Variants in LPP observed in about 807,000 individuals in gnomAD.
The protein encoded by LPP is lipoma-preferred partner.
A neutral mutation model predicts 60.4 loss-of-function variants in LPP; 38 were observed. That is an observed-to-expected ratio of 0.63 (90% CI 0.49 to 0.83). The LOEUF (loss-of-function observed/expected upper bound fraction) is 0.83, where lower values mean the gene tolerates loss of function less well. Among genes scored for constraint, LPP ranks in the 40% least tolerant of loss-of-function variants. LPP has a pLI of 0.00. For missense variants in LPP, 902 were observed against 783.6 expected (o/e 1.15, Z -1.80); for synonymous variants, 328 against 290.8 (o/e 1.13, Z -1.30).
At chr3:188,772,619 C>A (rs1249957366) in intron 9 of LPP, among the ~76,000 whole-genome samples, 1 of 152,126 alleles carries the variant, frequency 6.6e-6, no homozygotes, top group Non-Finnish European at 1.5e-5. Flanking sequence ...CTCGGCCTCC[C>A]GAGTAGCTGG....
chr3:188,790,049 C>T (rs944247139), intron 9 of LPP, among the ~76,000 whole-genome samples: 1 of 151,984 alleles, frequency 6.6e-6, no homozygotes, highest in Admixed American at 6.6e-5. Flanking sequence ...CCCTGCAACT[C>T]GATTTCAGAC....
At chr3:188,761,578 A>G (rs1168496089) in intron 9 of LPP, among the ~76,000 whole-genome samples, 1 of 152,244 alleles carries the variant, frequency 6.6e-6, no homozygotes, top group Non-Finnish European at 1.5e-5. Context: ...CAAGACATAC[A>G]GAAGAGGAAA....
At chr3:188,860,683 T>G (rs550333881) in intron 9 of LPP, among the ~76,000 whole-genome samples, 1 of 152,380 alleles carries the variant, frequency 6.6e-6, no homozygotes, top group African/African-American at 2.4e-5. Flanking sequence ...ACCTGGACTT[T>G]ATTAATTCAT....
intron 9 of LPP, among the ~76,000 whole-genome samples, chr3:188,819,712 A>T (rs984882026): frequency 2.0e-5 from 3 of 152,156 alleles, no homozygotes; most frequent in Admixed American, 6.5e-5. Flanking sequence ...GGAGGTGGAA[A>T]AAATGAACAC....
At chr3:188,716,716 A>C (rs1383776192) in intron 8 of LPP, among the ~76,000 whole-genome samples, 4 of 103,322 alleles carry the variant, frequency 3.9e-5, no homozygotes, top group African/African-American at 5.4e-5. Flanking sequence ...TAAGAGACAG[A>C]AGAAAGTCTT....
At chr3:188,236,945 C>T (rs1204827654) in intron 2 of LPP, among the ~76,000 whole-genome samples, 3 of 152,180 alleles carry the variant, frequency 2.0e-5, no homozygotes, top group Admixed American at 6.5e-5. Context: ...CAAGCTGTAT[C>T]ACTTCTCTGT....
chr3:188,393,586 T>C (rs1349678366), intron 3 of LPP, among the ~76,000 whole-genome samples: 1 of 152,194 alleles, frequency 6.6e-6, no homozygotes, highest in Admixed American at 6.5e-5. Flanking sequence ...GGGGCACTGT[T>C]AATAATTACA....
intron 6 of LPP, among the ~76,000 whole-genome samples, chr3:188,608,942 C>T (rs1163746991): frequency 6.6e-6 from 1 of 151,856 alleles, no homozygotes; most frequent in Non-Finnish European, 1.5e-5. Flanking sequence ...TTTTTCCTTT[C>T]TTTCCTTTTC....
chr3:188,218,412 C>A (rs1470039670), intron 1 of LPP, among the ~76,000 whole-genome samples: 2 of 152,314 alleles, frequency 1.3e-5, no homozygotes, highest in Non-Finnish European at 2.9e-5. Flanking sequence ...CTTGTGACCT[C>A]ATCCTCCTGT....
intron 1 of LPP, among the ~76,000 whole-genome samples, chr3:188,169,918 G>C (rs1281645748): frequency 6.6e-6 from 1 of 152,190 alleles, no homozygotes; most frequent in East Asian, 1.9e-4. Context: ...TCTTTTAACT[G>C]GAGTGGAGGG....
chr3:188,167,095 C>T (rs1323507732), intron 1 of LPP, among the ~76,000 whole-genome samples: 2 of 152,218 alleles, frequency 1.3e-5, no homozygotes, highest in Non-Finnish European at 2.9e-5. Flanking sequence ...GTACTGGTTA[C>T]TTAGCCTCTC....
chr3:188,715,481 A>G (rs1713573327), intron 8 of LPP, among the ~76,000 whole-genome samples: 1 of 152,088 alleles, frequency 6.6e-6, no homozygotes, highest in East Asian at 1.9e-4. Flanking sequence ...AGAAAATGGA[A>G]AACTTTTAAA....
In LPP at chr3:188,239,240, G is replaced by A. The variant is rs544223409; in HGVS notation, c.-67+13713G>A. On this transcript the variant is annotated intron_variant, in intron 2 of 11. Transcript: ENST00000617246. ...GGGCCCTGGGTGCAGATGGGCAATC[G>A]TAAGCCTAATCACCCATTCAGGCAC... is the stretch of plus-strand genomic sequence containing the variant. Among the ~76,000 whole-genome samples the A allele has an allele frequency of 6.1e-4, 93 of 152,146 alleles. 2 individuals are homozygous for A. Among genetic ancestry groups the A allele is most frequent in the Non-Finnish European group, 6.6e-4 (45 of 68,020 alleles).
intron 9 of LPP, among the ~76,000 whole-genome samples, chr3:188,777,593 TTATC>T (rs1403953368): frequency 6.6e-6 from 1 of 152,208 alleles, no homozygotes; most frequent in Admixed American, 6.5e-5. Flanking sequence ...TTGCTGCTGT[TTATC>T]TAAGCATGTC....
intron 6 of LPP, among the ~76,000 whole-genome samples, chr3:188,601,119 T>A (rs1841073942): frequency 6.6e-6 from 1 of 152,184 alleles, no homozygotes; most frequent in African/African-American, 2.4e-5. Context: ...ATTTTAGGTA[T>A]CTACCCAGAA....
At chr3:188,859,089 T>TAA (rs35722501) in intron 9 of LPP, among the ~76,000 whole-genome samples, 11 of 103,924 alleles carry the variant, frequency 1.1e-4, no homozygotes, top group South Asian at 3.7e-4. Context: ...ACTCTGTCTT[T>TAA]AAAAAAAAAA....
intron 7 of LPP, among the ~76,000 whole-genome samples, chr3:188,705,054 G>A (rs565039884): frequency 1.1e-4 from 16 of 152,222 alleles, no homozygotes; most frequent in Admixed American, 5.9e-4. Flanking sequence ...CCAGGATAGC[G>A]GGTCATGTCT....
intron 4 of LPP, among the ~76,000 whole-genome samples, chr3:188,457,770 G>A (rs367816311): frequency 4.7e-5 from 7 of 150,402 alleles, no homozygotes; most frequent in African/African-American, 1.2e-4. Flanking sequence ...TTAGCCAGGC[G>A]TGGTGGCACA....
intron 1 of LPP, among the ~76,000 whole-genome samples, chr3:188,202,244 G>T (rs1353785021): frequency 6.6e-6 from 1 of 152,116 alleles, no homozygotes; most frequent in African/African-American, 2.4e-5. Flanking sequence ...GTTTACAGGT[G>T]TTAGACTAGT....
Sources: allele counts gnomAD v4.1 joint callset (sites outside exome capture counted in the v4.1 genomes callset), GRCh38; gene constraint gnomAD v4.1.1; transcripts MANE v1.5; gene names NCBI Gene and HGNC (gene_info 2026-07-23, HGNC 2026-07-21).